PDE8B: variants seen among roughly 807,000 people sequenced by gnomAD.
The protein encoded by PDE8B is phosphodiesterase 8B.
PDE8B carries 26 observed loss-of-function variants against 101.3 expected under a neutral mutation model. The observed-to-expected ratio is 0.26, with a 90% CI of 0.19 to 0.36. PDE8B has a LOEUF of 0.36. Among genes scored for constraint, PDE8B ranks in the 10% least tolerant of loss-of-function variants. The pLI is 1.00. For synonymous variants in PDE8B, 424 were observed against 429.3 expected (o/e 0.99, Z 0.15); for missense variants, 810 against 1,163.1 (o/e 0.70, Z 4.42).
chr5:77,288,785 A>G (rs1423677614), intron 1 of PDE8B, among the ~76,000 whole-genome samples: 1 of 151,854 alleles, frequency 6.6e-6, no homozygotes, highest in Admixed American at 6.6e-5. Context: ...GAGTTGGGGT[A>G]AAATCTAGGT....
At chr5:77,270,171 T>G (rs1762515480) in intron 1 of PDE8B, among the ~76,000 whole-genome samples, 1 of 152,196 alleles carries the variant, frequency 6.6e-6, no homozygotes, top group South Asian at 2.1e-4. Context: ...ACAGTTTTAA[T>G]TGTAGAGATC....
At chr5:77,393,951 A>G (rs1790487062) in intron 10 of PDE8B, among the ~76,000 whole-genome samples, 1 of 152,230 alleles carries the variant, frequency 6.6e-6, no homozygotes, top group Admixed American at 6.5e-5. Context: ...CAATTCCTCA[A>G]AGCAGTCTGG....
intron 1 of PDE8B, among the ~76,000 whole-genome samples, chr5:77,260,157 C>CAAAAAAAA (rs66923234): frequency 7.9e-5 from 8 of 100,934 alleles, no homozygotes; most frequent in African/African-American, 1.5e-4. Flanking sequence ...AACTCCATCA[C>CAAAAAAAA]AAAAAAAAAA....
chr5:77,356,316 C>A (rs1288774015), intron 10 of PDE8B, among the ~76,000 whole-genome samples: 2 of 152,176 alleles, frequency 1.3e-5, no homozygotes, highest in Non-Finnish European at 2.9e-5. Context: ...AATGCAAATT[C>A]ATGGCTCAGA....
In PDE8B at chr5:77,286,439, C is replaced by T. The variant is rs1766027821; in HGVS notation, c.340-25555C>T. Among the ~76,000 whole-genome samples the T allele has an allele frequency of 2.6e-5, 4 of 152,168 alleles. No homozygotes were observed. In the South Asian group the frequency reaches 8.3e-4, roughly 32 times the overall value. On this transcript the variant is annotated intron_variant, in intron 1 of 21. Coordinates refer to ENST00000264917, the MANE Select transcript of PDE8B (RefSeq NM_003719.5). ...GGTAGGTTCTCCATCACAGTTGGAC[C>T]GTCCCATGCCGTGGTGTGACTGTGG...
chr5:77,264,431 T>C (rs2149723833), intron 1 of PDE8B, among the ~76,000 whole-genome samples: 1 of 152,346 alleles, frequency 6.6e-6, no homozygotes, highest in South Asian at 2.1e-4. Context: ...CACTTGTTAT[T>C]ATCTGCCTTT....
intron 1 of PDE8B, among the ~76,000 whole-genome samples, chr5:77,242,875 C>G (rs1756059057): frequency 6.6e-6 from 1 of 152,070 alleles, no homozygotes; most frequent in Non-Finnish European, 1.5e-5. Context: ...ACCATATTAG[C>G]CAGGATGGTC....
At chr5:77,398,957 A>G (rs1485129560) in intron 10 of PDE8B, among the ~76,000 whole-genome samples, 1 of 152,218 alleles carries the variant, frequency 6.6e-6, no homozygotes, top group Non-Finnish European at 1.5e-5. Context: ...TGAGAGGCCA[A>G]AGAAAGAGGC....
chr5:77,223,238 T>TTTA (rs1186028964), intron 1 of PDE8B, among the ~76,000 whole-genome samples: 1 of 152,072 alleles, frequency 6.6e-6, no homozygotes, highest in Non-Finnish European at 1.5e-5. Flanking sequence ...CTTTTTTTAT[T>TTTA]TTATTATTAT....
the PDE8B span, among the ~76,000 whole-genome samples, chr5:77,109,508 T>C: frequency 1.3e-5 from 2 of 152,330 alleles, no homozygotes; most frequent in African/African-American, 4.8e-5. Context: ...ATGGGATCTT[T>C]ACTAAGTTAA....
chr5:77,239,940 AC>A (rs1407416782), intron 1 of PDE8B, among the ~76,000 whole-genome samples: 1 of 152,138 alleles, frequency 6.6e-6, no homozygotes, highest in East Asian at 1.9e-4. Context: ...GCAGAAAAAC[AC>A]AGCAGCAACC....
chr5:77,395,901 C>T (rs1790945771), intron 10 of PDE8B, among the ~76,000 whole-genome samples: 1 of 152,148 alleles, frequency 6.6e-6, no homozygotes, highest in African/African-American at 2.4e-5. Context: ...GCATTGGGGC[C>T]GACCCCATTC....
At chr5:77,223,961 CT>C (rs1385280452) in intron 1 of PDE8B, among the ~76,000 whole-genome samples, 2 of 152,210 alleles carry the variant, frequency 1.3e-5, no homozygotes, top group Admixed American at 1.3e-4. Context: ...GTTTCTCCAG[CT>C]CTACCTCCAT....
chr5:77,097,728 T>TATATATATATATAC, the PDE8B span, among the ~76,000 whole-genome samples: 1 of 63,200 alleles, frequency 1.6e-5, no homozygotes, highest in South Asian at 5.5e-4. Context: ...TATATATATA[T>TATATATATATATAC]ATATACATAC....
the PDE8B span, among the ~76,000 whole-genome samples, chr5:77,161,637 A>G: frequency 1.3e-5 from 2 of 152,160 alleles, no homozygotes; most frequent in Non-Finnish European, 2.9e-5. Flanking sequence ...GTTAGGTCAT[A>G]CATAAATATG....
In PDE8B at chr5:77,407,423, T is replaced by C. The variant is rs1793703890; in HGVS notation, c.1331T>C (p.Ile444Thr). Residue 444 changes from isoleucine (I) to threonine (T), a missense_variant, in exon 13 of 22, where the codon ATC (isoleucine) becomes ACC (threonine). Transcript: ENST00000264917. ...QNRRYPSMARIHSMTIEAPIT... is the reference protein window; with the variant it reads ...QNRRYPSMARTHSMTIEAPIT... ...CGTCGCTATCCGTCCATGGCGAGGA[T>C]CCACTCCATGACCATCGAGGCTCCC... is the stretch of plus-strand genomic sequence containing the variant. The C allele has an allele frequency of 1.2e-6, 2 of 1,613,968 alleles. No homozygotes were observed. Among genetic ancestry groups the C allele is most frequent in the Non-Finnish European group, 1.7e-6 (2 of 1,179,958 alleles).
intron 10 of PDE8B, among the ~76,000 whole-genome samples, chr5:77,377,246 C>A (rs1561610450): frequency 6.6e-6 from 1 of 152,206 alleles, no homozygotes; most frequent in South Asian, 2.1e-4. Context: ...AGATTCTCAA[C>A]AAACAGAATA....
At chr5:77,128,932 G>C in the PDE8B span, among the ~76,000 whole-genome samples, 1 of 152,090 alleles carries the variant, frequency 6.6e-6, no homozygotes, top group African/African-American at 2.4e-5. Flanking sequence ...CAAGAAACCT[G>C]GCTAAAGATT....
Position 77,375,473 on chromosome 5 carries a change from C to T in PDE8B, c.1167+22067C>T, listed in dbSNP as rs185752695. On this transcript the variant is annotated intron_variant, in intron 10 of 21. Coordinates refer to ENST00000264917, the MANE Select transcript of PDE8B (RefSeq NM_003719.5). ...CTGGCACATTTTCAGCATAATAGTA[C>T]CAGAATCTGCCAAATTGAAAAGCTA... Among the ~76,000 whole-genome samples the T allele has an allele frequency of 2.8e-3, 421 of 152,290 alleles. 7 individuals carry two copies. Among genetic ancestry groups the T allele is most frequent in the Admixed American group, 0.026 (400 of 15,288 alleles).
Sources: allele counts gnomAD v4.1 joint callset (sites outside exome capture counted in the v4.1 genomes callset), GRCh38; gene constraint gnomAD v4.1.1; transcripts MANE v1.5; gene names NCBI Gene and HGNC (gene_info 2026-07-23, HGNC 2026-07-21).